The following OPA3 variants were observed in gnomAD, a reference collection of about 807,000 sequenced individuals.
OPA3 encodes outer mitochondrial membrane lipid metabolism regulator OPA3.
In OPA3, 6 loss-of-function variants were observed where a neutral mutation model predicts 4.0. The ratio of observed to expected loss-of-function variants is 1.51; its 90% CI spans 0.83 to 2.99. The LOEUF (loss-of-function observed/expected upper bound fraction) is 2.99, where lower values mean the gene tolerates loss of function less well. Ranked by LOEUF, OPA3 falls within the 30% of genes most tolerant of loss-of-function variation. The pLI, the probability that OPA3 is intolerant of heterozygous loss-of-function variation, is 0.00. For missense variants in OPA3, 235 were observed against 256.2 expected, an observed-to-expected ratio of 0.92 and a Z score of 0.56; for synonymous variants, 105 against 117.1, an observed-to-expected ratio of 0.90 and a Z score of 0.67.
At chr19:45,570,481 G>A (rs1969645601) in intron 1 of OPA3, among the ~76,000 whole-genome samples, 3 of 152,028 alleles carry the variant, frequency 2.0e-5, no homozygotes, top group Admixed American at 2.0e-4. Flanking sequence ...TCAGGAGTTC[G>A]AGACCAGCCT....
downstream of OPA3, among the ~76,000 whole-genome samples, chr19:45,544,258 G>A (rs1969218471): frequency 6.6e-6 from 1 of 152,154 alleles, no homozygotes; most frequent in Non-Finnish European, 1.5e-5. Context: ...GTTCATAGCA[G>A]CCCTATTCAT....
chr19:45,539,799 A>G (rs1179438445), intron 1 of OPA3, among the ~76,000 whole-genome samples: 1 of 152,046 alleles, frequency 6.6e-6, no homozygotes, highest in Non-Finnish European at 1.5e-5. Flanking sequence ...AAAATGGACC[A>G]TGCATTGTAT....
rs1399613525 is a variant in OPA3 at position 45,553,428 on chromosome 19, G to C, written c.*86C>G. On this transcript the variant is annotated 3_prime_UTR_variant, in exon 2 of 2. Coordinates refer to ENST00000263275, the MANE Select transcript of OPA3 (RefSeq NM_025136.4). ...ATCAAGATCCTGGTGGTTTCCACTG[G>C]GCCAGCGCAGGCAAGGGTGGTGCGG... The C allele has an allele frequency of 8.4e-5, 135 of 1,600,440 alleles. No individual in the cohort carries two copies. The East Asian group carries it at 1.8e-3, about 21-fold the overall frequency.
At chr19:45,536,369 C>A (rs1170542816) in intron 1 of OPA3, among the ~76,000 whole-genome samples, 1 of 151,606 alleles carries the variant, frequency 6.6e-6, no homozygotes, top group Non-Finnish European at 1.5e-5. Flanking sequence ...CATGGCAAAA[C>A]CCCGTCTCTA....
downstream of OPA3, among the ~76,000 whole-genome samples, chr19:45,545,966 G>A (rs1349384427): frequency 1.3e-5 from 2 of 151,680 alleles, no homozygotes; most frequent in Admixed American, 1.3e-4. Flanking sequence ...CTCCCACCTC[G>A]GCCTCCCTAA....
rs1012214154 is a variant in OPA3, at chr19:45,550,020, G to C, written c.*3494C>G. ...TAAAATACAAAAATTAGCCAGGCGT[G>C]GGTGGTGGGCACATGTAATCCCAGC... On this transcript the variant is annotated 3_prime_UTR_variant, in exon 2 of 2. Transcript: ENST00000263275. 2.1e-6 allele frequency: 1 copy of C among 483,612 alleles called. No homozygotes were observed. Among genetic ancestry groups the C allele is most frequent in the Admixed American group, 6.4e-5 (1 of 15,654 alleles). 30.0% of individuals were successfully genotyped at this position (483,612 alleles called of 1,614,324 possible). A position where few individuals can be genotyped will look rare whatever the true frequency, so the allele number is the denominator to read the frequency against.
Position 45,547,557 on chromosome 19 carries a change from TCA to T in OPA3, c.*5955_*5956del, listed in dbSNP as rs1969268216. On this transcript the variant is annotated 3_prime_UTR_variant, in exon 2 of 2. Transcript: ENST00000263275. ...TCTGTCCTAGGACTTTCACAGATAC[TCA>T]CAGCCCTCTTCCTATCTCCCTCCAT... 1 of 152,574 alleles carries T rather than the reference TCA, an allele frequency of 6.6e-6. No homozygotes were observed. The highest frequency in any genetic ancestry group is 2.4e-5 in the African/African-American group (1 of 41,422). The allele number at this position is 152,574 out of a possible 1,614,324, so 9.5% of individuals were successfully genotyped here. A position where few individuals can be genotyped will look rare whatever the true frequency, so the allele number is the denominator to read the frequency against.
Position 45,573,625 on chromosome 19 carries a change from T to C in OPA3, c.142+10998A>G, listed in dbSNP as rs1969721258. On this transcript the variant is annotated intron_variant, in intron 1 of 1. Coordinates refer to ENST00000263275, the MANE Select transcript of OPA3 (RefSeq NM_025136.4). The stretch of plus-strand genomic sequence containing the variant: ...ACTCTCCCTGGGGTCACACAGAAAG[T>C]GGCAGAGCGGGGACAGATAAGCAGG... Among the ~76,000 whole-genome samples the C allele has an allele frequency of 2.0e-5, 3 of 152,024 alleles. No homozygotes were observed. In the South Asian group the frequency reaches 6.2e-4, roughly 31 times the overall value.
intron 1 of OPA3, among the ~76,000 whole-genome samples, chr19:45,532,483 G>C (rs1969070166): frequency 6.6e-6 from 1 of 152,030 alleles, no homozygotes; most frequent in Non-Finnish European, 1.5e-5. Flanking sequence ...CTAAATGTGT[G>C]TCTTATCTGT....
At chr19:45,542,067 G>T (rs1011206900), downstream of OPA3, among the ~76,000 whole-genome samples, 2 of 152,180 alleles carry the variant, frequency 1.3e-5, no homozygotes, top group South Asian at 2.1e-4. Flanking sequence ...CCCAGCCAGG[G>T]ACTATAGTTA....
chr19:45,542,661 T>TTTTG, downstream of OPA3, among the ~76,000 whole-genome samples: 4 of 122,278 alleles, frequency 3.3e-5, no homozygotes, highest in African/African-American at 1.2e-4. Flanking sequence ...TTCACTGTTT[T>TTTTG]TTTGTTTTTT....
At chr19:45,572,907 G>A (rs993218328) in intron 1 of OPA3, among the ~76,000 whole-genome samples, 1 of 149,608 alleles carries the variant, frequency 6.7e-6, no homozygotes, top group Non-Finnish European at 1.5e-5. Flanking sequence ...ATTTCTCCAA[G>A]GCCTGGGCAG....
intron 1 of OPA3, among the ~76,000 whole-genome samples, chr19:45,581,160 T>C (rs147460233): frequency 1.6e-3 from 247 of 152,288 alleles, no homozygotes; most frequent in African/African-American, 5.5e-3. Flanking sequence ...TCAAATGAGA[T>C]GGCTAACAGG....
rs945139207 is a variant in OPA3, at chr19:45,548,712, C to A, written c.*4802G>T. On this transcript the variant is annotated 3_prime_UTR_variant, in exon 2 of 2. Coordinates refer to ENST00000263275, the MANE Select transcript of OPA3 (RefSeq NM_025136.4). ...CCTACCAAGGACACTGGGTCCATGT[C>A]CCGGTGCGGGACCACCTCAGTGAGT... 1 of 982,510 alleles carries A rather than the reference C, an allele frequency of 1.0e-6. No individual in the cohort carries two copies. The highest frequency in any genetic ancestry group is 1.2e-6 in the Non-Finnish European group (1 of 828,164). The allele number at this position is 982,510 out of a possible 1,614,324, so 60.9% of individuals were successfully genotyped here. A position where few individuals can be genotyped will look rare whatever the true frequency, so the allele number is the denominator to read the frequency against.
intron 1 of OPA3, among the ~76,000 whole-genome samples, chr19:45,564,767 T>G (rs532099398): frequency 6.6e-6 from 1 of 152,336 alleles, no homozygotes; most frequent in East Asian, 1.9e-4. Context: ...TTTTAAGAGT[T>G]TGCATTGTTC....
At position 45,584,676 on chromosome 19, in the gene OPA3, G is replaced by A. The variant is rs913275853; in HGVS notation, c.89C>T (p.Ala30Val). 1.2e-6 allele frequency: 2 copies of A among 1,614,198 alleles called. No individual in the cohort carries two copies. Among genetic ancestry groups the A allele is most frequent in the Non-Finnish European group, 1.7e-6 (2 of 1,180,042 alleles). ...SKPLANRIKE[A>V]ARRSEFFKTY... ...CTTGAAGAACTCGCTTCGGCGGGCG[G>A]CCTCCTTAATACGGTTGGCAAGCGG... The change falls in exon 1 of 2, where the codon GCC becomes GTC. Residue 30 changes from alanine (A) to valine (V), a missense_variant. By Grantham distance (64) the Ala-to-Val change is moderately conservative (BLOSUM62 0). Coordinates refer to ENST00000263275, the MANE Select transcript of OPA3 (RefSeq NM_025136.4).
chr19:45,540,354 AAC>A (rs1383994283), intron 1 of OPA3, among the ~76,000 whole-genome samples: 2 of 151,072 alleles, frequency 1.3e-5, no homozygotes, highest in Non-Finnish European at 3.0e-5. Flanking sequence ...AATAAAATAA[AAC>A]AAAGGGTGAG....
intron 1 of OPA3, among the ~76,000 whole-genome samples, chr19:45,580,095 C>G (rs1969826901): frequency 6.7e-6 from 1 of 149,840 alleles, no homozygotes; most frequent in East Asian, 2.0e-4. Context: ...CTCCCATGTT[C>G]AAGTGATTCT....
exon 2 of OPA3, chr19:45,529,047 C>T: frequency 6.3e-7 from 1 of 1,598,066 alleles, no homozygotes; most frequent in Non-Finnish European, 8.5e-7. Flanking sequence ...ACCAGGGCCC[C>T]GAGACCTCCT....
Sources: gnomAD v4.1 joint callset for allele counts (sites outside exome capture counted in the v4.1 genomes callset) on GRCh38, gnomAD v4.1.1 for gene constraint, MANE v1.5 for transcripts, NCBI Gene and HGNC (gene_info 2026-07-23, HGNC 2026-07-21) for gene names.